The following YEATS4 variants were observed in gnomAD, a reference collection of about 807,000 sequenced individuals.
The protein encoded by YEATS4 is YEATS domain-containing protein 4.
A neutral mutation model predicts 30.1 loss-of-function variants in YEATS4; 17 were observed. The ratio of observed to expected loss-of-function variants is 0.56; its 90% CI spans 0.39 to 0.85. The LOEUF is 0.85. Among genes scored for constraint, YEATS4 ranks in the 40% least tolerant of loss-of-function variants. The pLI, the probability that YEATS4 is intolerant of heterozygous loss-of-function variation, is 0.00. For synonymous variants in YEATS4, 85 were observed against 87.5 expected (o/e 0.97, Z 0.16); for missense variants, 142 against 268.3 (o/e 0.53, Z 3.29).
At chr12:69,396,352 C>G in the YEATS4 span, among the ~76,000 whole-genome samples, 1 of 152,192 alleles carries the variant, frequency 6.6e-6, no homozygotes. Flanking sequence ...CAGAGTCACA[C>G]AATCTGTTGG....
intron 6 of YEATS4, among the ~76,000 whole-genome samples, chr12:69,382,850 G>A (rs777349825): frequency 6.6e-6 from 1 of 152,164 alleles, no homozygotes; most frequent in Non-Finnish European, 1.5e-5. Context: ...ATGAGGTATT[G>A]GAGAAAGAAA....
the YEATS4 span, among the ~76,000 whole-genome samples, chr12:69,409,019 C>A: frequency 6.6e-6 from 1 of 152,104 alleles, no homozygotes; most frequent in Non-Finnish European, 1.5e-5. Flanking sequence ...TGTTTACAAT[C>A]GAGATTTTAA....
At chr12:69,391,941 G>A (rs1029631113), downstream of YEATS4, among the ~76,000 whole-genome samples, 1 of 152,126 alleles carries the variant, frequency 6.6e-6, no homozygotes, top group African/African-American at 2.4e-5. Flanking sequence ...ATGCATACAA[G>A]GGTTCAAAAT....
chr12:69,401,871 A>T, the YEATS4 span, among the ~76,000 whole-genome samples: 6 of 152,044 alleles, frequency 3.9e-5, no homozygotes, highest in Non-Finnish European at 8.8e-5. Flanking sequence ...CCCTCCTCTA[A>T]ACTACCTTAG....
intron 1 of YEATS4, among the ~76,000 whole-genome samples, chr12:69,360,937 C>T (rs932125958): frequency 5.9e-5 from 9 of 151,872 alleles, no homozygotes; most frequent in Non-Finnish European, 1.0e-4. Flanking sequence ...GTGGCTCACG[C>T]CTGTAATCCC....
At chr12:69,415,483 C>T in the YEATS4 span, among the ~76,000 whole-genome samples, 3 of 152,100 alleles carry the variant, frequency 2.0e-5, no homozygotes, top group African/African-American at 4.8e-5. Flanking sequence ...ATCTCTTGAA[C>T]CCAGGAGGCA....
Position 69,362,917 on chromosome 12 carries a change from CG to C in YEATS4, c.171+11del. The C allele has an allele frequency of 1.4e-6, 2 of 1,471,524 alleles. No homozygotes were observed. The highest frequency in any genetic ancestry group is 1.8e-6 in the Non-Finnish European group (2 of 1,104,716). The allele number at this position is 1,471,524 out of a possible 1,614,324, so 91.2% of individuals were successfully genotyped here. A position where few individuals can be genotyped will look rare whatever the true frequency, so the allele number is the denominator to read the frequency against. On this transcript the variant is annotated intron_variant, in intron 2 of 6. Transcript: ENST00000247843. The stretch of plus-strand genomic sequence containing the variant: ...ACCATATAGAAATGAGGTAGGCACT[CG>C]TTTTTTCTGTAACTGTTTTACTTAA...
the YEATS4 span, among the ~76,000 whole-genome samples, chr12:69,396,609 C>T: frequency 6.6e-6 from 1 of 152,096 alleles, no homozygotes; most frequent in African/African-American, 2.4e-5. Flanking sequence ...CTCATGTTCT[C>T]AAAATTAATG....
chr12:69,360,062 C>A, intron 1 of YEATS4, 39 bp downstream of exon 1: 1 of 1,605,218 alleles, frequency 6.2e-7, no homozygotes, highest in Non-Finnish European at 8.5e-7. Context: ...GGTGGCTCTC[C>A]CGCCTCGGTT....
At chr12:69,370,839 G>C in intron 5 of YEATS4, 41 bp downstream of exon 5, 1 of 1,598,664 alleles carries the variant, frequency 6.3e-7, no homozygotes, top group Non-Finnish European at 8.5e-7. Context: ...AGCATTTGAA[G>C]TTGGAGAACT....
the YEATS4 span, among the ~76,000 whole-genome samples, chr12:69,403,107 G>A: frequency 9.8e-4 from 149 of 152,254 alleles, no homozygotes; most frequent in African/African-American, 3.4e-3. Context: ...CAGATGCAGC[G>A]CAAGGACTGT....
chr12:69,425,590 C>A, the YEATS4 span, among the ~76,000 whole-genome samples: 2 of 152,296 alleles, frequency 1.3e-5, no homozygotes, highest in African/African-American at 4.8e-5. Context: ...GTCTTTGGCA[C>A]CTCCCCCGAC....
At chr12:69,409,918 G>A in the YEATS4 span, among the ~76,000 whole-genome samples, 1 of 152,124 alleles carries the variant, frequency 6.6e-6, no homozygotes, top group South Asian at 2.1e-4. Flanking sequence ...GAAGACAAAG[G>A]GAGAAGACAG....
chr12:69,375,053 C>A (rs1875800859), intron 6 of YEATS4, among the ~76,000 whole-genome samples: 1 of 151,056 alleles, frequency 6.6e-6, no homozygotes, highest in African/African-American at 2.4e-5. Context: ...GGGGCTGCCC[C>A]CCACCTCCCG....
chr12:69,363,117 C>T (rs1439322100), intron 2 of YEATS4, among the ~76,000 whole-genome samples: 1 of 151,078 alleles, frequency 6.6e-6, no homozygotes, highest in Non-Finnish European at 1.5e-5. Context: ...CTCAGCCTCC[C>T]GAGTAGCTGG....
intron 6 of YEATS4, among the ~76,000 whole-genome samples, chr12:69,378,968 C>T (rs1328960283): frequency 2.0e-5 from 3 of 152,338 alleles, no homozygotes; most frequent in East Asian, 1.9e-4. Context: ...TGAAATCTCT[C>T]AGCTTTTGTT....
intron 6 of YEATS4, among the ~76,000 whole-genome samples, chr12:69,384,623 T>G (rs1365056235): frequency 2.0e-5 from 3 of 152,216 alleles, no homozygotes; most frequent in Non-Finnish European, 2.9e-5. Context: ...AAATGTTTTT[T>G]TGAAAATCAG....
the YEATS4 span, among the ~76,000 whole-genome samples, chr12:69,417,810 T>C: frequency 2.0e-5 from 3 of 151,190 alleles, no homozygotes; most frequent in Non-Finnish European, 4.4e-5. Flanking sequence ...GGCATTTTTG[T>C]TGCGTGTCTC....
At chr12:69,415,602 G>A in the YEATS4 span, among the ~76,000 whole-genome samples, 1 of 152,174 alleles carries the variant, frequency 6.6e-6, no homozygotes, top group African/African-American at 2.4e-5. Context: ...AATGGACCCA[G>A]TGACAGTAAC....
Sources: gnomAD v4.1 joint callset for allele counts (sites outside exome capture counted in the v4.1 genomes callset) on GRCh38, gnomAD v4.1.1 for gene constraint, MANE v1.5 for transcripts, NCBI Gene and HGNC (gene_info 2026-07-23, HGNC 2026-07-21) for gene names.